The following PPA2 variants were observed in gnomAD, a reference collection of about 807,000 sequenced individuals.
PPA2 encodes inorganic pyrophosphatase 2, also known as inorganic pyrophosphatase 2, mitochondrial.
In PPA2, 48 loss-of-function variants were observed where a neutral mutation model predicts 49.5. That is an observed-to-expected ratio of 0.97 (90% CI 0.77 to 1.23). The LOEUF (loss-of-function observed/expected upper bound fraction) is 1.23, where lower values mean the gene tolerates loss of function less well. Among genes scored for constraint, PPA2 ranks in the 50% most tolerant of loss-of-function variants. The pLI, the probability that PPA2 is intolerant of heterozygous loss-of-function variation, is 0.00. For missense variants in PPA2, 429 were observed against 410.1 expected, an observed-to-expected ratio of 1.05 and a Z score of -0.40; for synonymous variants, 131 against 139.9, an observed-to-expected ratio of 0.94 and a Z score of 0.45.
intron 10 of PPA2, among the ~76,000 whole-genome samples, chr4:105,383,276 G>T (rs573045998): frequency 6.6e-6 from 1 of 152,256 alleles, no homozygotes; most frequent in Admixed American, 6.5e-5. Flanking sequence ...AGATCTTTCA[G>T]ATCTATCCTT....
intron 2 of PPA2, among the ~76,000 whole-genome samples, chr4:105,454,205 CGTTTAT>C (rs1321363620): frequency 1.4e-4 from 22 of 152,074 alleles, no homozygotes; most frequent in Non-Finnish European, 2.9e-4. Flanking sequence ...GCATATGTAA[CGTTTAT>C]ACACCAAAAT....
At chr4:105,414,169 C>T (rs1259833765) in intron 7 of PPA2, among the ~76,000 whole-genome samples, 1 of 151,856 alleles carries the variant, frequency 6.6e-6, no homozygotes, top group Non-Finnish European at 1.5e-5. Flanking sequence ...ATCAGATTGG[C>T]AAAAAAATAA....
At chr4:105,396,143 T>C (rs779408994) in intron 9 of PPA2, 106 bp downstream of exon 9, 11 of 634,358 alleles carry the variant, frequency 1.7e-5, no homozygotes, top group Non-Finnish European at 2.7e-5. Context: ...AGATAATCTG[T>C]ATTGTTTAAA....
intron 7 of PPA2, among the ~76,000 whole-genome samples, chr4:105,423,823 A>G (rs1723361319): frequency 1.3e-5 from 2 of 152,162 alleles, no homozygotes; most frequent in Non-Finnish European, 2.9e-5. Flanking sequence ...CATATGAACA[A>G]AAGAGATTTC....
chr4:105,453,629 G>A lies in PPA2; in HGVS notation c.236C>T (p.Pro79Leu). Reference sequence around the variant, plus strand: ...TTCATCATTTCGTGCTTTCTTCATAGGAATGCCATTTTCCTATAAAAGAAA... The same window carrying A: ...TTCATCATTTCGTGCTTTCTTCATAAGAATGCCATTTTCCTATAAAAGAAA... ...KVNSKEENGIPMKKARNDEYE... is the reference protein window; with the variant it reads ...KVNSKEENGILMKKARNDEYE... Residue 79 changes from proline (P) to leucine (L), a missense_variant, in exon 3 of 12, where the codon CCT (proline) becomes CTT (leucine). Coordinates refer to ENST00000341695, the MANE Select transcript of PPA2 (RefSeq NM_176869.3). 6.2e-7 allele frequency: 1 copy of A among 1,606,102 alleles called. No individual in the cohort carries two copies. The highest frequency in any genetic ancestry group is 1.7e-5 in the Admixed American group (1 of 58,952).
intron 1 of PPA2, among the ~76,000 whole-genome samples, chr4:105,470,434 C>T (rs761112484): frequency 6.6e-6 from 1 of 152,150 alleles, no homozygotes; most frequent in Non-Finnish European, 1.5e-5. Context: ...TGCTGTGAGT[C>T]GTGATTGCAC....
intron 7 of PPA2, among the ~76,000 whole-genome samples, chr4:105,422,776 T>A (rs1055843674): frequency 6.6e-6 from 1 of 152,236 alleles, no homozygotes; most frequent in African/African-American, 2.4e-5. Context: ...GCGCTTGTTA[T>A]ATGCTAGAGA....
chr4:105,444,124 G>T (rs76088499), intron 5 of PPA2, among the ~76,000 whole-genome samples: 1 of 152,134 alleles, frequency 6.6e-6, no homozygotes, highest in Non-Finnish European at 1.5e-5. Context: ...GTACTTACAA[G>T]AACACCTTGC....
intron 7 of PPA2, among the ~76,000 whole-genome samples, chr4:105,416,355 T>A (rs1723008395): frequency 6.6e-6 from 1 of 152,150 alleles, no homozygotes; most frequent in Non-Finnish European, 1.5e-5. Flanking sequence ...TTTGCCCTTA[T>A]TATATAAAAG....
intron 7 of PPA2, among the ~76,000 whole-genome samples, chr4:105,410,952 G>T (rs542870695): frequency 6.6e-6 from 1 of 152,338 alleles, no homozygotes; most frequent in East Asian, 1.9e-4. Context: ...ACCAGCCACT[G>T]CAAAAACATG....
chr4:105,382,495 T>TATTA (rs1343501060), intron 10 of PPA2, among the ~76,000 whole-genome samples: 1 of 152,154 alleles, frequency 6.6e-6, no homozygotes, highest in Non-Finnish European at 1.5e-5. Flanking sequence ...TATCAACTAA[T>TATTA]ATTATCTGAA....
chr4:105,451,475 C>CA (rs1722673592), intron 3 of PPA2, among the ~76,000 whole-genome samples: 3 of 152,230 alleles, frequency 2.0e-5, no homozygotes. Context: ...AGCAACCTTA[C>CA]ATACAGTCCT....
intron 2 of PPA2, chr4:105,456,286 A>G (rs766319079): frequency 2.8e-5 from 13 of 462,700 alleles, no homozygotes; most frequent in Non-Finnish European, 3.9e-5. Context: ...CTTGAGCCTC[A>G]GTGTCCTTGG....
At chr4:105,471,823 C>T (rs971055964) in intron 1 of PPA2, among the ~76,000 whole-genome samples, 2 of 152,184 alleles carry the variant, frequency 1.3e-5, no homozygotes, top group African/African-American at 4.8e-5. Flanking sequence ...CAGGATCTTA[C>T]CATCGGGACC....
intron 9 of PPA2, among the ~76,000 whole-genome samples, chr4:105,395,131 A>T (rs1734082919): frequency 1.3e-5 from 2 of 151,950 alleles, no homozygotes; most frequent in South Asian, 4.2e-4. Flanking sequence ...GAGAAGGCCA[A>T]GGAGTTGACA....
chr4:105,382,432 G>A (rs1267234333), intron 10 of PPA2, among the ~76,000 whole-genome samples: 1 of 151,878 alleles, frequency 6.6e-6, no homozygotes, highest in Non-Finnish European at 1.5e-5. Flanking sequence ...TTAACTAAAG[G>A]GTCCTAAAAG....
chr4:105,371,171 C>T (rs187853535), intron 10 of PPA2, among the ~76,000 whole-genome samples: 58 of 152,176 alleles, frequency 3.8e-4, no homozygotes, highest in Middle Eastern at 6.8e-3. Context: ...CAATGGCTTC[C>T]GCAGCTAATG....
In PPA2 at chr4:105,458,762, C is replaced by A. The variant is rs75955714; in HGVS notation, c.158-2017G>T. On this transcript the variant is annotated intron_variant, in intron 1 of 11. Coordinates refer to ENST00000341695, the MANE Select transcript of PPA2 (RefSeq NM_176869.3). ...GCTTCAACCCAGGAGGCGGAGGTTG[C>A]GGTGAGCCGAAATCGCACCACTGCA... 2.3e-5 allele frequency among the ~76,000 whole-genome samples: 3 copies of A among 128,524 alleles called. No homozygotes were observed. In the Admixed American group the frequency reaches 2.8e-4, roughly 12 times the overall value. 84.3% of individuals were successfully genotyped at this position (128,524 alleles called of 152,430 possible).
intron 7 of PPA2, chr4:105,423,234 C>G (rs1723331472): frequency 6.6e-6 from 1 of 151,808 alleles, no homozygotes; most frequent in Non-Finnish European, 1.5e-5. Flanking sequence ...CAGTTATATA[C>G]AAGAATGACA....
Sources: gnomAD v4.1 joint callset for allele counts (sites outside exome capture counted in the v4.1 genomes callset) on GRCh38, gnomAD v4.1.1 for gene constraint, MANE v1.5 for transcripts, NCBI Gene and HGNC (gene_info 2026-07-23, HGNC 2026-07-21) for gene names.